FAM217A: variants seen among roughly 807,000 people sequenced by gnomAD.
FAM217A encodes family with sequence similarity 217 member A.
A neutral mutation model predicts 18.5 loss-of-function variants in FAM217A; 13 were observed. The ratio of observed to expected loss-of-function variants is 0.70; its 90% CI spans 0.46 to 1.12. FAM217A has a LOEUF of 1.12. Ranked by LOEUF, FAM217A falls within the 50% of genes most tolerant of loss-of-function variation. The pLI is 0.00. For synonymous variants in FAM217A, 161 were observed against 202.8 expected (o/e 0.79, Z 1.75); for missense variants, 560 against 575.4 (o/e 0.97, Z 0.27).
chr6:4,070,824 G>A (rs1162091347), intron 6 of FAM217A, among the ~76,000 whole-genome samples: 1 of 152,004 alleles, frequency 6.6e-6, no homozygotes, highest in Admixed American at 6.5e-5. Flanking sequence ...GAGCAACATG[G>A]CAAAATTCTT....
chr6:4,075,145 C>A (rs757867440), intron 2 of FAM217A, among the ~76,000 whole-genome samples: 29 of 151,980 alleles, frequency 1.9e-4, no homozygotes, highest in South Asian at 2.1e-4. Context: ...ACCAGCCTGG[C>A]CAACATGGTG....
Position 4,079,064 on chromosome 6 carries a change from A to AG in FAM217A, c.-248dup. On this transcript the variant is annotated 5_prime_UTR_variant, in exon 1 of 7. Transcript: ENST00000274673. ...GCCTGCGAAGCCCGCGGGCCGGCGCAGGGGTGGGAGTCGGGCCCGGGGCCC... is the reference window on the plus strand; with the variant it reads ...GCCTGCGAAGCCCGCGGGCCGGCGCAGGGGGTGGGAGTCGGGCCCGGGGCCC... 1 of 365,418 alleles carries AG rather than the reference A, an allele frequency of 2.7e-6. No homozygotes were observed. Among genetic ancestry groups the AG allele is most frequent in the Non-Finnish European group, 4.9e-6 (1 of 205,166 alleles). The allele number at this position is 365,418 out of a possible 1,614,324, so 22.6% of individuals were successfully genotyped here. A position where few individuals can be genotyped will look rare whatever the true frequency, so the allele number is the denominator to read the frequency against.
At chr6:4,071,097 C>T (rs945587648) in intron 6 of FAM217A, among the ~76,000 whole-genome samples, 6 of 152,104 alleles carry the variant, frequency 3.9e-5, no homozygotes, top group Non-Finnish European at 8.8e-5. Context: ...CACTTTAAAT[C>T]TACAACTGTT....
At chr6:4,085,468 C>G (rs1395251405) in intron 1 of FAM217A, among the ~76,000 whole-genome samples, 1 of 152,082 alleles carries the variant, frequency 6.6e-6, no homozygotes, top group Non-Finnish European at 1.5e-5. Context: ...AGAGCAATGA[C>G]TAAGAACATA....
At chr6:4,081,643 G>C (rs866093889), upstream of FAM217A, among the ~76,000 whole-genome samples, 6 of 152,306 alleles carry the variant, frequency 3.9e-5, no homozygotes, top group South Asian at 4.1e-4. Context: ...TGAGTAACCT[G>C]AGCCTTAGAT....
chr6:4,083,038 C>T (rs101418), upstream of FAM217A, among the ~76,000 whole-genome samples: 36,782 of 152,120 alleles, frequency 0.24, 5,077 homozygotes, highest in East Asian at 0.37. Flanking sequence ...GTGGTAGCCT[C>T]AGCTTGCCTT....
chr6:4,086,943 T>G, intron 1 of FAM217A: 1 of 399,068 alleles, frequency 2.5e-6, no homozygotes, highest in East Asian at 3.6e-5. Flanking sequence ...GTTGAGCATT[T>G]GTTTACTTTG....
At position 4,085,350 on chromosome 6, in the gene FAM217A, CATCT is replaced by C. The variant is rs1392558202; in HGVS notation, c.19-544_19-541del. Among the ~76,000 whole-genome samples, 8 of 148,998 alleles carry C rather than the reference CATCT, an allele frequency of 5.4e-5. 1 individual carries two copies. In the South Asian group the frequency reaches 6.4e-4, roughly 12 times the overall value. ...TATAAAATATGTAAAAATATATATC[CATCT>C]GATAGTTTATTTAAAAACAAAATTT... On this transcript the variant is annotated intron_variant, in intron 1 of 8. Coordinates refer to the FAM217A transcript ENST00000639338.
rs1247144183 is a variant in FAM217A at position 4,079,051 on chromosome 6, C to T, written c.-234G>A. Reference sequence around the variant, plus strand: ...TCGGCAGTGCAGGGCCTGCGAAGCCCGCGGGCCGGCGCAGGGGTGGGAGTC... The same window carrying T: ...TCGGCAGTGCAGGGCCTGCGAAGCCTGCGGGCCGGCGCAGGGGTGGGAGTC... On this transcript the variant is annotated 5_prime_UTR_variant, in exon 1 of 7. Transcript: ENST00000274673. 1.1e-5 allele frequency: 4 copies of T among 372,648 alleles called. No homozygotes were observed. The highest frequency in any genetic ancestry group is 8.5e-5 in the African/African-American group (4 of 46,874). 23.1% of individuals were successfully genotyped at this position (372,648 alleles called of 1,614,324 possible). A position where few individuals can be genotyped will look rare whatever the true frequency, so the allele number is the denominator to read the frequency against.
intron 1 of FAM217A, among the ~76,000 whole-genome samples, chr6:4,085,943 C>T (rs1221771071): frequency 6.6e-6 from 1 of 151,712 alleles, no homozygotes; most frequent in Non-Finnish European, 1.5e-5. Context: ...GACCCTGTCT[C>T]TACAAAAGAA....
chr6:4,081,306 AT>A (rs1430336974), upstream of FAM217A, among the ~76,000 whole-genome samples: 1 of 123,566 alleles, frequency 8.1e-6, no homozygotes, highest in African/African-American at 3.2e-5. Flanking sequence ...TTTAATTTTT[AT>A]TTATTTATTT....
chr6:4,072,145 A>G (rs534357965), intron 6 of FAM217A, among the ~76,000 whole-genome samples: 51 of 152,052 alleles, frequency 3.4e-4, no homozygotes, highest in African/African-American at 1.2e-3. Flanking sequence ...GTTCAAGACC[A>G]GCCTGGCCAA....
intron 2 of FAM217A, among the ~76,000 whole-genome samples, chr6:4,076,339 A>G (rs1296233435): frequency 2.2e-5 from 2 of 89,926 alleles, no homozygotes; most frequent in Non-Finnish European, 4.0e-5. Context: ...AAAAAAAAAG[A>G]AAAAAAAAAA....
intron 6 of FAM217A, among the ~76,000 whole-genome samples, chr6:4,071,846 TAAC>T (rs1461026601): frequency 6.6e-6 from 1 of 152,098 alleles, no homozygotes; most frequent in East Asian, 1.9e-4. Context: ...AGATGGCTGA[TAAC>T]AAGTGAACCA....
chr6:4,073,401 A>G (rs781117818), intron 5 of FAM217A, 32 bp downstream of exon 5: 1 of 1,593,730 alleles, frequency 6.3e-7, no homozygotes, highest in Admixed American at 1.7e-5. Flanking sequence ...TTAAAATATA[A>G]TATTTTAAGG....
rs747544474 is a variant in FAM217A at position 4,069,435 on chromosome 6, T to C, written c.788A>G (p.Asn263Ser). 3.7e-6 allele frequency: 6 copies of C among 1,614,056 alleles called. No homozygotes were observed. Among genetic ancestry groups the C allele is most frequent in the South Asian group, 2.2e-5 (2 of 91,086 alleles). ...ATTGTCAGATTTGGAGAGGGCTAAA[T>C]TGTGCAAGTCTAGAGCACTGAAAGG... is the stretch of plus-strand genomic sequence containing the variant. ...PPPFSALDLHNLALSKSDNWK... is the reference protein window; with the variant it reads ...PPPFSALDLHSLALSKSDNWK... Residue 263 changes from asparagine (N) to serine (S), a missense_variant, in exon 7 of 7, where the codon AAT becomes AGT. Physicochemically the swap from Asn to Ser is conservative, Grantham distance 46. Coordinates refer to ENST00000274673, the MANE Select transcript of FAM217A (RefSeq NM_173563.3).
chr6:4,079,703 C>A (rs1770142450), upstream of FAM217A: 14 of 1,239,002 alleles, frequency 1.1e-5, no homozygotes, highest in Non-Finnish European at 1.5e-5. Context: ...CCAGACTAAG[C>A]TACAATATAT....
rs1218371335 is a variant in FAM217A at position 4,068,761 on chromosome 6, G to A, written c.1462C>T (p.Leu488=). The A allele has an allele frequency of 4.3e-6, 7 of 1,613,408 alleles. No individual in the cohort carries two copies. The highest frequency in any genetic ancestry group is 2.2e-5 in the East Asian group (1 of 44,888). ...VLNRPFSIQK[L]NCLSPSLIAK... is the part of the protein sequence containing the mutation. ...ATAAGGGAAGGCGACAAACAGTTTA[G>A]CTTCTGAATAGAGAATGGTCTATTC... Residue 488 remains leucine (L), a synonymous_variant, in exon 7 of 7, where the codon CTA becomes TTA. Coordinates refer to ENST00000274673, the MANE Select transcript of FAM217A (RefSeq NM_173563.3).
In FAM217A at chr6:4,069,639, A is replaced by G. The variant is rs1769267110; in HGVS notation, c.584T>C (p.Val195Ala). 1.2e-6 allele frequency: 2 copies of G among 1,614,048 alleles called. No homozygotes were observed. The highest frequency in any genetic ancestry group is 1.1e-5 in the South Asian group (1 of 91,090). Residue 195 changes from valine to alanine, a missense_variant, in exon 7 of 7, where the codon GTG (valine) becomes GCG (alanine). By Grantham distance (64) the Val-to-Ala change is moderately conservative. Coordinates refer to ENST00000274673, the MANE Select transcript of FAM217A (RefSeq NM_173563.3). ...NWNLKHGNSS[V>A]EENFTDESDL... ...ACTTTCATCTGTGAAATTTTCTTCC[A>G]CACTGCTGTTTCCATGTTTCAAATT...
Sources: allele counts gnomAD v4.1 joint callset (sites outside exome capture counted in the v4.1 genomes callset), GRCh38; gene constraint gnomAD v4.1.1; transcripts MANE v1.5; gene names NCBI Gene and HGNC (gene_info 2026-07-23, HGNC 2026-07-21).